STXBP4: variants seen among roughly 807,000 people sequenced by gnomAD.
STXBP4 encodes the protein syntaxin binding protein 4.
In STXBP4, 55 loss-of-function variants were observed where a neutral mutation model predicts 76.1. The observed-to-expected ratio is 0.72, with a 90% CI of 0.58 to 0.91. The LOEUF is 0.91. STXBP4 is among the 40% of genes least tolerant of loss of function. The probability of loss-of-function intolerance (pLI) is 0.00; values close to 1 mark genes in which losing one functional copy is unlikely to be tolerated. For synonymous variants in STXBP4, 201 were observed against 220.2 expected (o/e 0.91, Z 0.77); for missense variants, 618 against 636.9 (o/e 0.97, Z 0.32).
At chr17:55,128,182 T>C (rs1345707356) in intron 16 of STXBP4, among the ~76,000 whole-genome samples, 2 of 152,242 alleles carry the variant, frequency 1.3e-5, no homozygotes, top group African/African-American at 4.8e-5. Context: ...CAGATAGTTC[T>C]TGAGTGCCCA....
chr17:54,986,112 A>C (rs1164156719), intron 2 of STXBP4, 30 bp from the exon 3 acceptor site: 2 of 941,524 alleles, frequency 2.1e-6, no homozygotes, highest in Non-Finnish European at 3.4e-6. Flanking sequence ...CTAAGACCTG[A>C]CAATTTATTT....
Position 55,126,857 on chromosome 17 carries a change from G to T in STXBP4, c.1490-14453G>T, listed in dbSNP as rs544084566. ...AGCATGCTCCAGGAAATAACTCAGT[G>T]GATGACATTAAGTGGGACTGACACA... On this transcript the variant is annotated intron_variant, in intron 16 of 17. Coordinates refer to ENST00000376352, the MANE Select transcript of STXBP4 (RefSeq NM_178509.6). Among the ~76,000 whole-genome samples the T allele has an allele frequency of 3.9e-5, 6 of 152,264 alleles. No homozygotes were observed. In the South Asian group the frequency reaches 1.2e-3, roughly 32 times the overall value.
chr17:55,178,054 A>G (rs1470036982), downstream of STXBP4, among the ~76,000 whole-genome samples: 4 of 152,250 alleles, frequency 2.6e-5, no homozygotes, highest in Non-Finnish European at 5.9e-5. Flanking sequence ...TCCCGAGGAT[A>G]ACATGAAATA....
intron 17 of STXBP4, among the ~76,000 whole-genome samples, chr17:55,148,570 G>T (rs898439235): frequency 6.8e-6 from 1 of 148,010 alleles, no homozygotes; most frequent in Non-Finnish European, 1.5e-5. Context: ...ACGAAGTCTC[G>T]CTCTGTCACC....
At chr17:55,073,935 A>C (rs1053953694) in intron 13 of STXBP4, among the ~76,000 whole-genome samples, 4 of 152,116 alleles carry the variant, frequency 2.6e-5, no homozygotes, top group African/African-American at 9.7e-5. Context: ...GGACAGTGCA[A>C]ACTTTTTTAT....
intron 8 of STXBP4, among the ~76,000 whole-genome samples, chr17:55,022,628 A>G (rs1269196136): frequency 3.3e-5 from 5 of 152,222 alleles, no homozygotes; most frequent in Non-Finnish European, 5.9e-5. Context: ...AGATTATTTC[A>G]GATTGATAGT....
intron 13 of STXBP4, 57 bp downstream of exon 13, chr17:55,073,133 T>A (rs1018414253): frequency 6.5e-7 from 1 of 1,537,082 alleles, no homozygotes; most frequent in African/African-American, 1.4e-5. Flanking sequence ...TTGTCATGTA[T>A]CCTGTTTTCA....
At position 55,161,703 on chromosome 17, in the gene STXBP4, A is replaced by C. The variant is rs1386951926; in HGVS notation, c.*1792A>C. ...GAAAAAGGCCTAAACAATTGTAATG[A>C]TATTATTTATTGGGCATTTTGTGCC... On this transcript the variant is annotated 3_prime_UTR_variant, in exon 18 of 18. Coordinates refer to ENST00000376352, the MANE Select transcript of STXBP4 (RefSeq NM_178509.6). The C allele has an allele frequency of 6.6e-6, 1 of 152,168 alleles. No homozygotes were observed. The highest frequency in any genetic ancestry group is 2.4e-5 in the African/African-American group (1 of 41,436). The allele number at this position is 152,168 out of a possible 1,614,324, so 9.4% of individuals were successfully genotyped here. A position where few individuals can be genotyped will look rare whatever the true frequency, so the allele number is the denominator to read the frequency against.
chr17:55,181,435 G>A, the STXBP4 span, among the ~76,000 whole-genome samples: 3 of 152,192 alleles, frequency 2.0e-5, no homozygotes, highest in Admixed American at 6.5e-5. Flanking sequence ...CCTTTGGAGT[G>A]CTGTCACAAT....
intron 16 of STXBP4, among the ~76,000 whole-genome samples, chr17:55,133,955 G>A (rs575541490): frequency 6.6e-6 from 1 of 152,284 alleles, no homozygotes; most frequent in South Asian, 2.1e-4. Flanking sequence ...AAATGGAGTA[G>A]TAGCTGCAAG....
At chr17:55,051,310 A>G (rs1003523540) in intron 12 of STXBP4, among the ~76,000 whole-genome samples, 15 of 152,332 alleles carry the variant, frequency 9.8e-5, no homozygotes, top group Non-Finnish European at 7.4e-5. Flanking sequence ...AATGAATACC[A>G]TAATTATGGT....
chr17:55,031,073 A>C (rs1056203600), intron 8 of STXBP4, 95 bp from the exon 9 acceptor site: 2 of 878,966 alleles, frequency 2.3e-6, no homozygotes, highest in East Asian at 5.3e-5. Context: ...TGTTTCTGGT[A>C]TTGATTATTT....
At chr17:55,190,231 G>A in the STXBP4 span, among the ~76,000 whole-genome samples, 2 of 152,252 alleles carry the variant, frequency 1.3e-5, no homozygotes, top group Non-Finnish European at 2.9e-5. Flanking sequence ...ATACAGCAAG[G>A]AACAGAACAA....
chr17:55,078,323 G>A (rs1243175328), intron 14 of STXBP4, 129 bp downstream of exon 14: 3 of 638,476 alleles, frequency 4.7e-6, no homozygotes, highest in Admixed American at 3.1e-5. Context: ...CTGGCTTATG[G>A]TCAGATTTAG....
At chr17:54,975,120 C>T (rs1330522161) in intron 1 of STXBP4, among the ~76,000 whole-genome samples, 1 of 152,140 alleles carries the variant, frequency 6.6e-6, no homozygotes, top group Non-Finnish European at 1.5e-5. Flanking sequence ...TTGTTTAATG[C>T]TCTACTGTCA....
At chr17:55,004,507 G>T (rs2077972470) in intron 7 of STXBP4, among the ~76,000 whole-genome samples, 1 of 152,050 alleles carries the variant, frequency 6.6e-6, no homozygotes, top group African/African-American at 2.4e-5. Flanking sequence ...TTCAAGACCA[G>T]CTTGGGCAAC....
the STXBP4 span, among the ~76,000 whole-genome samples, chr17:55,180,370 T>C: frequency 6.6e-6 from 1 of 152,204 alleles, no homozygotes; most frequent in Non-Finnish European, 1.5e-5. Flanking sequence ...AAAAGAACTA[T>C]AGGAACTTTC....
At chr17:55,061,233 T>G (rs1304191882) in intron 12 of STXBP4, among the ~76,000 whole-genome samples, 1 of 152,198 alleles carries the variant, frequency 6.6e-6, no homozygotes, top group Admixed American at 6.6e-5. Flanking sequence ...ACAAATTAAA[T>G]GTGTCTTTAA....
At position 55,164,482 on chromosome 17, in the gene STXBP4, C is replaced by T. The variant is rs933618335; in HGVS notation, c.*4571C>T. ...TTTTTGAGACGGAGTCTCGCTCTGTCGCCCAGGCGGGACTGCGGACTGCAG... is the reference window on the plus strand; with the variant it reads ...TTTTTGAGACGGAGTCTCGCTCTGTTGCCCAGGCGGGACTGCGGACTGCAG... On this transcript the variant is annotated 3_prime_UTR_variant, in exon 18 of 18. Transcript: ENST00000376352. 1.6e-5 allele frequency: 2 copies of T among 122,326 alleles called. No homozygotes were observed. The highest frequency in any genetic ancestry group is 3.2e-5 in the African/African-American group (1 of 31,332). 7.6% of individuals were successfully genotyped at this position (122,326 alleles called of 1,614,324 possible).
Sources: allele counts gnomAD v4.1 joint callset (sites outside exome capture counted in the v4.1 genomes callset), GRCh38; gene constraint gnomAD v4.1.1; transcripts MANE v1.5; gene names NCBI Gene and HGNC (gene_info 2026-07-23, HGNC 2026-07-21).